KIAA1217: variants seen among roughly 807,000 people sequenced by gnomAD.
The protein encoded by KIAA1217 is sickle tail protein homolog.
In KIAA1217, 88 loss-of-function variants were observed where a neutral mutation model predicts 163.9. The ratio of observed to expected loss-of-function variants is 0.54; its 90% CI spans 0.45 to 0.64. The LOEUF (loss-of-function observed/expected upper bound fraction) is 0.64, where lower values mean the gene tolerates loss of function less well. Among genes scored for constraint, KIAA1217 ranks in the 30% least tolerant of loss-of-function variants. The pLI is 0.00. For synonymous variants in KIAA1217, 903 were observed against 923.1 expected, an observed-to-expected ratio of 0.98 and a Z score of 0.39; for missense variants, 2,372 against 2,475.0, an observed-to-expected ratio of 0.96 and a Z score of 0.88.
At chr10:24,165,705 AG>A (rs1285086435) in intron 2 of KIAA1217, among the ~76,000 whole-genome samples, 1 of 152,238 alleles carries the variant, frequency 6.6e-6, no homozygotes, top group African/African-American at 2.4e-5. Flanking sequence ...GGTATCATTA[AG>A]GAACAGGAAA....
intron 2 of KIAA1217, among the ~76,000 whole-genome samples, chr10:24,154,668 A>G (rs889318238): frequency 2.0e-4 from 31 of 152,116 alleles, no homozygotes; most frequent in Non-Finnish European, 1.0e-4. Flanking sequence ...TTAGGTCAGG[A>G]GTTCGAGACC....
intron 2 of KIAA1217, among the ~76,000 whole-genome samples, chr10:24,325,031 G>A (rs771026912): frequency 8.6e-5 from 13 of 152,004 alleles, no homozygotes; most frequent in Non-Finnish European, 1.5e-4. Flanking sequence ...TCAAAGTGCC[G>A]GTCAGTTGCC....
At chr10:23,973,208 A>G (rs1201124113) in intron 1 of KIAA1217, among the ~76,000 whole-genome samples, 1 of 152,202 alleles carries the variant, frequency 6.6e-6, no homozygotes, top group Non-Finnish European at 1.5e-5. Context: ...ATGTAGATGC[A>G]GAGAATTAAG....
intron 2 of KIAA1217, among the ~76,000 whole-genome samples, chr10:24,078,514 G>A (rs772493142): frequency 1.5e-4 from 23 of 152,302 alleles, no homozygotes; most frequent in African/African-American, 3.8e-4. Context: ...CCCATTGTGC[G>A]TTCACCAGCA....
chr10:24,116,414 C>T (rs989588029), intron 2 of KIAA1217, among the ~76,000 whole-genome samples: 23 of 152,022 alleles, frequency 1.5e-4, no homozygotes, highest in African/African-American at 3.9e-4. Context: ...CTGTCGTAAG[C>T]GTGCAACTCT....
chr10:24,109,464 C>T lies in KIAA1217; in HGVS notation c.-171+102090C>T, dbSNP rs960903934. Among the ~76,000 whole-genome samples, 5 of 151,728 alleles carry T rather than the reference C, an allele frequency of 3.3e-5. No individual in the cohort carries two copies. In the South Asian group the frequency reaches 8.3e-4, roughly 25 times the overall value. On this transcript the variant is annotated intron_variant, in intron 2 of 18. Transcript: ENST00000376462. ...GAGCTATAGATTTATGATCTTTGTA[C>T]GGCTCCTATCTTCTGTCAATAATTC... is the stretch of plus-strand genomic sequence containing the variant.
At chr10:24,421,936 C>T (rs1027070213) in intron 3 of KIAA1217, among the ~76,000 whole-genome samples, 2 of 152,178 alleles carry the variant, frequency 1.3e-5, no homozygotes, top group African/African-American at 4.8e-5. Flanking sequence ...CGTCTGTTCT[C>T]ATGCTGCTAA....
intron 1 of KIAA1217, among the ~76,000 whole-genome samples, chr10:23,820,285 C>A (rs758969823): frequency 3.3e-5 from 5 of 152,168 alleles, no homozygotes; most frequent in Admixed American, 1.3e-4. Context: ...CGGACAGAGG[C>A]CTACTAGCTC....
At position 24,256,890 on chromosome 10, in the gene KIAA1217, C is replaced by T. The variant is rs189178233; in HGVS notation, c.354+36981C>T. Among the ~76,000 whole-genome samples, 24 of 152,108 alleles carry T rather than the reference C, an allele frequency of 1.6e-4. No individual in the cohort carries two copies. In the South Asian group the frequency reaches 2.3e-3, roughly 14 times the overall value. ...AACAGAGAATAACAACAAAGTGGGA[C>T]GCATCATAAGGTCATAGGTCAGTGA... On this transcript the variant is annotated intron_variant, in intron 2 of 20. Transcript: ENST00000376454.
At chr10:23,940,334 C>T (rs1843706077) in intron 1 of KIAA1217, among the ~76,000 whole-genome samples, 4 of 151,740 alleles carry the variant, frequency 2.6e-5, no homozygotes, top group African/African-American at 9.7e-5. Flanking sequence ...GTGGCAGGTG[C>T]CTGTAATCCT....
intron 2 of KIAA1217, among the ~76,000 whole-genome samples, chr10:24,246,195 G>A (rs1455159519): frequency 2.6e-5 from 4 of 152,194 alleles, no homozygotes; most frequent in Non-Finnish European, 5.9e-5. Flanking sequence ...TGTGGGCTGT[G>A]TGTGTGTTTA....
intron 1 of KIAA1217, among the ~76,000 whole-genome samples, chr10:23,957,188 A>G (rs1844604960): frequency 6.6e-6 from 1 of 152,126 alleles, no homozygotes; most frequent in South Asian, 2.1e-4. Context: ...CGCTTTCCAG[A>G]GTCCCGTGTG....
chr10:24,254,244 C>T (rs972826505), intron 2 of KIAA1217, among the ~76,000 whole-genome samples: 4 of 152,236 alleles, frequency 2.6e-5, no homozygotes, highest in Admixed American at 1.3e-4. Context: ...ATGCCCTTAA[C>T]ACCGGGCATT....
intron 5 of KIAA1217, among the ~76,000 whole-genome samples, chr10:24,461,074 C>T (rs577327734): frequency 4.6e-5 from 7 of 152,232 alleles, no homozygotes; most frequent in African/African-American, 1.7e-4. Flanking sequence ...TCTGCCATTC[C>T]CCAATGTGTT....
chr10:24,546,585 C>T lies in KIAA1217; in HGVS notation c.*261C>T, dbSNP rs1228119865. ...TAAGCATGTGTTACAGAAAGAGGTT[C>T]TGGTGGGAGAGAAAGGTGCGTGTGA... On this transcript the variant is annotated 3_prime_UTR_variant, in exon 21 of 21. Coordinates refer to ENST00000376454, the MANE Select transcript of KIAA1217 (RefSeq NM_019590.5). The T allele has an allele frequency of 2.6e-6, 1 of 378,606 alleles. No homozygotes were observed. The highest frequency in any genetic ancestry group is 4.7e-6 in the Non-Finnish European group (1 of 211,802). 23.5% of individuals were successfully genotyped at this position (378,606 alleles called of 1,614,324 possible).
intron 1 of KIAA1217, among the ~76,000 whole-genome samples, chr10:23,823,882 G>T (rs1837742161): frequency 6.6e-6 from 1 of 151,806 alleles, no homozygotes; most frequent in African/African-American, 2.4e-5. Flanking sequence ...TGCATAGATG[G>T]AGAAGAAAAG....
At chr10:24,531,145 C>G (rs549898371) in intron 14 of KIAA1217, among the ~76,000 whole-genome samples, 29 of 152,224 alleles carry the variant, frequency 1.9e-4, no homozygotes, top group African/African-American at 6.5e-4. Flanking sequence ...GCTGAGGCCT[C>G]AGTGAGCCTT....
At chr10:23,782,377 T>C (rs540954225) in intron 1 of KIAA1217, among the ~76,000 whole-genome samples, 1 of 152,274 alleles carries the variant, frequency 6.6e-6, no homozygotes, top group Non-Finnish European at 1.5e-5. Context: ...GTTACTGGTG[T>C]AAAAAAATAC....
intron 3 of KIAA1217, among the ~76,000 whole-genome samples, chr10:24,403,244 T>G (rs1345876799): frequency 6.6e-6 from 1 of 152,112 alleles, no homozygotes; most frequent in African/African-American, 2.4e-5. Flanking sequence ...ATTATTATTA[T>G]TATTTTGTTT....
Sources: allele counts gnomAD v4.1 joint callset (sites outside exome capture counted in the v4.1 genomes callset), GRCh38; gene constraint gnomAD v4.1.1; transcripts MANE v1.5; gene names NCBI Gene and HGNC (gene_info 2026-07-23, HGNC 2026-07-21).